G6PD: variants seen among roughly 807,000 people sequenced by gnomAD.
G6PD encodes the protein glucose-6-phosphate 1-dehydrogenase.
A neutral mutation model predicts 38.2 loss-of-function variants in G6PD; 2 were observed. The ratio of observed to expected loss-of-function variants is 0.05; its 90% CI spans 0.02 to 0.16. The LOEUF (loss-of-function observed/expected upper bound fraction) is 0.16. G6PD is among the 10% of genes least tolerant of loss of function. G6PD has a pLI of 1.00. For missense variants in G6PD, 310 were observed against 471.6 expected (o/e 0.66, Z 3.17); for synonymous variants, 188 against 196.0 (o/e 0.96, Z 0.34).
intron 1 of G6PD, among the ~76,000 whole-genome samples, chrX:154,546,471 C>A (rs1557233328): frequency 1.8e-5 from 2 of 112,099 alleles, no homozygotes; most frequent in Non-Finnish European, 3.8e-5. Context: ...GGGCATGGAA[C>A]TGCGTGCCCA....
chrX:154,532,741 C>T lies in G6PD; in HGVS notation c.1113G>A (p.Leu371=), dbSNP rs1166552162. 47 of 1,210,650 alleles carry T rather than the reference C, an allele frequency of 3.9e-5. No individual in the cohort carries two copies. Among genetic ancestry groups the T allele is most frequent in the Non-Finnish European group, 4.6e-5 (41 of 895,226 alleles). ...ALNERKAEVR[L]QFHDVAGDIF... The stretch of plus-strand genomic sequence containing the variant: ...TGTCGCCGGCCACATCATGGAACTG[C>T]AGCCTCACCTCGGCCTTGCGCTCGT... The change falls in exon 10 of 13, where the codon CTG becomes CTA. Residue 371 remains leucine (L), a synonymous_variant. Coordinates refer to ENST00000393562, the MANE Select transcript of G6PD (RefSeq NM_001360016.2).
At position 154,532,472 on chromosome X, in the gene G6PD, A is replaced by T. The variant is rs2070350258; in HGVS notation, c.1288-10T>A. ...CAGGGAGCTTCACGTTCTGTGAGGGAGAGAGTGTCTTGCTGATGCCACTGC... is the reference window on the plus strand; with the variant it reads ...CAGGGAGCTTCACGTTCTGTGAGGGTGAGAGTGTCTTGCTGATGCCACTGC... On this transcript the variant is annotated splice_polypyrimidine_tract_variant and intron_variant, in intron 10 of 12. Coordinates refer to ENST00000393562, the MANE Select transcript of G6PD (RefSeq NM_001360016.2). 3 of 1,207,532 alleles carry T rather than the reference A, an allele frequency of 2.5e-6. No homozygotes were observed. In the East Asian group the frequency reaches 8.9e-5, roughly 36 times the overall value.
intron 2 of G6PD, among the ~76,000 whole-genome samples, chrX:154,537,990 GTT>G (rs781988750): frequency 5.1e-4 from 46 of 91,026 alleles, no homozygotes; most frequent in African/African-American, 1.2e-3. Flanking sequence ...AAATCAGGAG[GTT>G]TTTTTTTTTT....
intron 5 of G6PD, 103 bp downstream of exon 5, chrX:154,535,065 G>T: frequency 1.2e-6 from 1 of 839,669 alleles, no homozygotes; most frequent in Non-Finnish European, 1.8e-6. Context: ...CCGGCACCAT[G>T]GATGCTGCCC....
intron 8 of G6PD, 71 bp from the exon 9 acceptor site, chrX:154,533,199 C>T: frequency 9.1e-7 from 1 of 1,099,620 alleles, no homozygotes; most frequent in Non-Finnish European, 1.3e-6. Context: ...ACTGTGGCCA[C>T]AGATGTGCAG....
At chrX:154,544,084 ATCTCCTGACC>A (rs2070611968) in intron 2 of G6PD, among the ~76,000 whole-genome samples, 1 of 109,041 alleles carries the variant, frequency 9.2e-6, no homozygotes, top group East Asian at 2.9e-4. Context: ...GATGGTCTCA[ATCTCCTGACC>A]TCATGATCCA....
At chrX:154,533,968 T>C (rs782414460) in intron 7 of G6PD, 67 bp downstream of exon 7, 25 of 1,203,191 alleles carry the variant, frequency 2.1e-5, no homozygotes, top group African/African-American at 3.5e-5. Flanking sequence ...TAGGGAAGAG[T>C]AGCCCTGCAG....
At position 154,532,057 on chromosome X, in the gene G6PD, C is replaced by A. The variant is rs1215138210; in HGVS notation, c.1491G>T (p.Lys497Asn). ...RGPTEADELM[K>N]RVGFQYEGTY... ...TGCCCTCATACTGGAAACCCACTCT[C>A]TTCATCAGCTCGTCTGCCTCCGTGG... is the stretch of plus-strand genomic sequence containing the variant. Residue 497 changes from lysine (K) to asparagine (N), a missense_variant, in exon 13 of 13, where the codon AAG becomes AAT. This residue lies in a region of G6PD where 168 missense variants were observed against 309.2 expected (regional missense o/e 0.54). Transcript: ENST00000393562. 1.7e-6 allele frequency: 2 copies of A among 1,208,822 alleles called. No homozygotes were observed. The highest frequency in any genetic ancestry group is 2.2e-6 in the Non-Finnish European group (2 of 894,831).
chrX:154,533,535 G>C (rs782640481), intron 8 of G6PD, 41 bp downstream of exon 8: 15 of 1,201,892 alleles, frequency 1.2e-5, no homozygotes, highest in Admixed American at 2.2e-5. Context: ...AGATGGGCCT[G>C]CGACAGGGCA....
In G6PD at chrX:154,534,178, G is replaced by A. The variant is rs2070376945; in HGVS notation, c.645-18C>T. ...TGGCAAATCTGCAGGGAGGGGCAAG[G>A]TGGAGGAACTGACCTTGGGCCTCTG... On this transcript the variant is annotated intron_variant, in intron 6 of 12. Transcript: ENST00000393562. 2 of 1,211,907 alleles carry A rather than the reference G, an allele frequency of 1.7e-6. No homozygotes were observed. Among genetic ancestry groups the A allele is most frequent in the African/African-American group, 1.7e-5 (1 of 57,954 alleles).
intron 5 of G6PD, among the ~76,000 whole-genome samples, 160 bp from the exon 6 acceptor site, chrX:154,534,656 C>T (rs2070385463): frequency 9.0e-6 from 1 of 110,900 alleles, no homozygotes; most frequent in African/African-American, 3.3e-5. Context: ...GACCCTCTGG[C>T]TCAACACCTT....
At chrX:154,533,965 G>C in intron 7 of G6PD, 70 bp downstream of exon 7, 1 of 1,206,886 alleles carries the variant, frequency 8.3e-7, no homozygotes, top group Non-Finnish European at 1.1e-6. Context: ...AGATAGGGAA[G>C]AGTAGCCCTG....
chrX:154,545,353 G>A (rs1207368481), intron 2 of G6PD, among the ~76,000 whole-genome samples: 1 of 112,078 alleles, frequency 8.9e-6, no homozygotes, highest in African/African-American at 3.2e-5. Flanking sequence ...TGAAGTGTTA[G>A]TGAAGAGGCA....
Position 154,536,167 on chromosome X carries a change from G to C in G6PD, c.132C>G (p.Ala44=), listed in dbSNP as rs781840484. Residue 44 remains alanine (A), a synonymous_variant, in exon 3 of 13, where the codon GCC becomes GCG. Coordinates refer to ENST00000393562, the MANE Select transcript of G6PD (RefSeq NM_001360016.2). ...AGATGGTGGGGTAGATCTTCTTCTTGGCCAGGTCACCCTGTGGCAGAGGGA... is the reference window on the plus strand; with the variant it reads ...AGATGGTGGGGTAGATCTTCTTCTTCGCCAGGTCACCCTGTGGCAGAGGGA... The part of the protein sequence containing the change: ...FIIMGASGDL[A]KKKIYPTIWW... 5 of 1,211,043 alleles carry C rather than the reference G, an allele frequency of 4.1e-6. No individual in the cohort carries two copies. Among genetic ancestry groups the C allele is most frequent in the Non-Finnish European group, 4.5e-6 (4 of 895,079 alleles).
At chrX:154,533,260 GCCCAGCTCAGGGCCCCT>G in intron 8 of G6PD, 132 bp from the exon 9 acceptor site, 1 of 746,983 alleles carries the variant, frequency 1.3e-6, no homozygotes, top group South Asian at 2.3e-5. Flanking sequence ...CCTGCCAGAG[GCCCAGCTCAGGGCCCCT>G]CCCTGAGGAC....
rs781983439 is a variant in G6PD at position 154,542,447 on chromosome X, G to T, written c.120+3589C>A. 4 of 1,178,368 alleles carry T rather than the reference G, an allele frequency of 3.4e-6. No individual in the cohort carries two copies. In the South Asian group the frequency reaches 5.8e-5, roughly 17 times the overall value. On this transcript the variant is annotated intron_variant, in intron 2 of 12. Transcript: ENST00000393562. Reference sequence around the variant, plus strand: ...CTACAAGGCCAGAGCTTTCTGGAAGGGGGCAGTAAGTACCTCGGCTCCCTT... The same window carrying T: ...CTACAAGGCCAGAGCTTTCTGGAAGTGGGCAGTAAGTACCTCGGCTCCCTT...
intron 2 of G6PD, among the ~76,000 whole-genome samples, chrX:154,536,984 A>G (rs1557230918): frequency 8.9e-6 from 1 of 112,866 alleles, no homozygotes; most frequent in African/African-American, 3.2e-5. Flanking sequence ...GAATAGAAAC[A>G]GACAACCCCC....
intron 2 of G6PD, among the ~76,000 whole-genome samples, chrX:154,537,523 G>C (rs782580619): frequency 7.2e-5 from 8 of 111,470 alleles, no homozygotes; most frequent in African/African-American, 2.6e-4. Context: ...GCTGAGGCAG[G>C]AGAATCGCTT....
At chrX:154,533,243 T>TGCTCAC in intron 8 of G6PD, 115 bp from the exon 9 acceptor site, 1 of 862,098 alleles carries the variant, frequency 1.2e-6, no homozygotes, top group East Asian at 3.3e-5. Flanking sequence ...TGCTTGGCTC[T>TGCTCAC]GCTCACCCTG....
Sources: allele counts gnomAD v4.1 joint callset (sites outside exome capture counted in the v4.1 genomes callset), GRCh38; gene constraint gnomAD v4.1.1; regional missense constraint gnomAD v4.1.1; transcripts MANE v1.5; gene names NCBI Gene and HGNC (gene_info 2026-07-23, HGNC 2026-07-21).